Variants in PPIL6 observed in about 807,000 individuals in gnomAD.
The protein encoded by PPIL6 is peptidylprolyl isomerase like 6, also known as probable inactive peptidyl-prolyl cis-trans isomerase-like 6.
PPIL6 carries 39 observed loss-of-function variants against 36.8 expected under a neutral mutation model. The observed-to-expected ratio is 1.06, with a 90% confidence interval of 0.82 to 1.38. The LOEUF is 1.38. Ranked by LOEUF, PPIL6 falls within the 40% of genes most tolerant of loss-of-function variation. The pLI is 0.00. For missense variants in PPIL6, 368 were observed against 379.1 expected (o/e 0.97, Z 0.24); for synonymous variants, 123 against 134.1 (o/e 0.92, Z 0.57).
At chr6:109,437,988 A>AC (rs1188526319) in intron 1 of PPIL6, among the ~76,000 whole-genome samples, 1 of 152,168 alleles carries the variant, frequency 6.6e-6, no homozygotes, top group Non-Finnish European at 1.5e-5. Context: ...TCCAAATGAA[A>AC]ATGTATGCAA....
At chr6:109,393,687 G>T (rs1159207438) in intron 7 of PPIL6, among the ~76,000 whole-genome samples, 1 of 152,140 alleles carries the variant, frequency 6.6e-6, no homozygotes, top group Admixed American at 6.5e-5. Flanking sequence ...CGGGCCACAT[G>T]CTTCCTGTTG....
chr6:109,417,434 C>G (rs958637227), intron 6 of PPIL6, among the ~76,000 whole-genome samples: 1 of 151,012 alleles, frequency 6.6e-6, no homozygotes, highest in Non-Finnish European at 1.5e-5. Flanking sequence ...TAAGTGGACT[C>G]GTACATTTCA....
intron 7 of PPIL6, among the ~76,000 whole-genome samples, chr6:109,395,609 T>C (rs1260344742): frequency 7.0e-6 from 1 of 142,100 alleles, no homozygotes; most frequent in Non-Finnish European, 1.5e-5. Context: ...TCTAACTTCT[T>C]TTTTTTTTTT....
chr6:109,400,372 G>T (rs1772479104), intron 6 of PPIL6, among the ~76,000 whole-genome samples: 1 of 152,012 alleles, frequency 6.6e-6, no homozygotes, highest in African/African-American at 2.4e-5. Flanking sequence ...AACCTTATTA[G>T]AACTATTGGA....
At chr6:109,433,373 TA>T (rs1421746906) in intron 2 of PPIL6, among the ~76,000 whole-genome samples, 2 of 152,204 alleles carry the variant, frequency 1.3e-5, no homozygotes, top group Non-Finnish European at 1.5e-5. Context: ...CAGAACTTTC[TA>T]AACGGGAGAA....
intron 6 of PPIL6, among the ~76,000 whole-genome samples, chr6:109,417,434 C>T (rs958637227): frequency 2.6e-5 from 4 of 151,012 alleles, no homozygotes; most frequent in African/African-American, 7.3e-5. Context: ...TAAGTGGACT[C>T]GTACATTTCA....
chr6:109,392,559 C>T lies in PPIL6; in HGVS notation c.*267G>A, dbSNP rs1772132814. On this transcript the variant is annotated 3_prime_UTR_variant, in exon 8 of 8. Transcript: ENST00000521072. ...GAAGGGGAAGGGGCAGGACCACTGGCGTTCTATTCCTGTCCCACTGGCCAG... is the reference window on the plus strand; with the variant it reads ...GAAGGGGAAGGGGCAGGACCACTGGTGTTCTATTCCTGTCCCACTGGCCAG... 2 of 335,946 alleles carry T rather than the reference C, an allele frequency of 6.0e-6. No individual in the cohort carries two copies. Among genetic ancestry groups the T allele is most frequent in the Non-Finnish European group, 1.1e-5 (2 of 186,078 alleles). 20.8% of individuals were successfully genotyped at this position (335,946 alleles called of 1,614,324 possible).
intron 5 of PPIL6, among the ~76,000 whole-genome samples, chr6:109,424,782 C>T (rs116916745): frequency 2.6e-5 from 4 of 152,274 alleles, no homozygotes; most frequent in African/African-American, 4.8e-5. Context: ...CTCCCATTAG[C>T]GCCATGACAG....
intron 3 of PPIL6, among the ~76,000 whole-genome samples, chr6:109,427,378 G>GTATT (rs891539188): frequency 2.6e-5 from 4 of 151,680 alleles, no homozygotes; most frequent in Admixed American, 6.6e-5. Context: ...TTTTATTATT[G>GTATT]TATTTATTTA....
chr6:109,429,603 T>A (rs558735667), intron 3 of PPIL6, among the ~76,000 whole-genome samples: 187 of 152,280 alleles, frequency 1.2e-3, no homozygotes, highest in Non-Finnish European at 2.3e-3. Context: ...GCCAGCTAGG[T>A]GCTCCTGCCT....
intron 6 of PPIL6, among the ~76,000 whole-genome samples, chr6:109,400,985 G>A (rs1425433165): frequency 3.3e-5 from 5 of 150,382 alleles, no homozygotes; most frequent in Non-Finnish European, 7.4e-5. Flanking sequence ...TCAGCCTCCC[G>A]AGTAGCTGGG....
chr6:109,440,931 A>C, upstream of PPIL6: 1 of 594,330 alleles, frequency 1.7e-6, no homozygotes, highest in Non-Finnish European at 2.9e-6. Context: ...CTGATTGGGA[A>C]CAGCCGGCCG....
chr6:109,419,210 G>T lies in PPIL6; in HGVS notation c.665C>A (p.Ser222Ter), dbSNP rs528544666. The change falls in exon 6 of 8, where the codon TCG becomes TAG. Residue 222 changes from serine (S) to a stop codon, truncating the protein, a stop_gained. Coordinates refer to ENST00000521072, the MANE Select transcript of PPIL6 (RefSeq NM_173672.5). LOFTEE classifies it high-confidence loss of function. The stretch of plus-strand genomic sequence containing the variant: ...ACCTTCAAATGTTGGACCATAAATC[G>T]ACTCTCCATTATCTCCTTTTCCATA... ...IVYGKGDNGE[S>*]IYGPTFEDEN... 1.3e-6 allele frequency: 2 copies of T among 1,565,220 alleles called. No individual in the cohort carries two copies. Among genetic ancestry groups the T allele is most frequent in the South Asian group, 1.1e-5 (1 of 89,880 alleles).
intron 7 of PPIL6, among the ~76,000 whole-genome samples, chr6:109,393,479 G>T (rs1318952915): frequency 6.6e-6 from 1 of 152,086 alleles, no homozygotes; most frequent in Non-Finnish European, 1.5e-5. Flanking sequence ...TCCCATTTTG[G>T]CCTCCCAAAG....
At chr6:109,430,529 T>C (rs1582591231) in intron 3 of PPIL6, among the ~76,000 whole-genome samples, 1 of 151,782 alleles carries the variant, frequency 6.6e-6, no homozygotes, top group African/African-American at 2.4e-5. Flanking sequence ...CAGGTTTAAG[T>C]GATTCTCCTG....
intron 7 of PPIL6, among the ~76,000 whole-genome samples, chr6:109,398,731 A>G (rs1056579225): frequency 7.2e-5 from 11 of 152,210 alleles, no homozygotes; most frequent in Non-Finnish European, 1.3e-4. Context: ...GTTTTCATCT[A>G]CCTCTTCATG....
intron 5 of PPIL6, among the ~76,000 whole-genome samples, chr6:109,424,114 G>A (rs1773690895): frequency 2.0e-5 from 3 of 152,164 alleles, no homozygotes; most frequent in Admixed American, 6.5e-5. Flanking sequence ...GGCAGGAGGG[G>A]TGAGCGGTGT....
In PPIL6 at chr6:109,440,465, G is replaced by A; in HGVS notation, c.126C>T (p.Ser42=). 6.5e-7 allele frequency: 1 copy of A among 1,539,776 alleles called. No homozygotes were observed. Residue 42 remains serine, a synonymous_variant, in exon 1 of 8, where the codon AGC becomes AGT. Transcript: ENST00000521072. ...GTTTCTCTGTGGTTACCTCAGCGGC[G>A]CTCTTCGCAATCTGAAAGTTGGGGC... ...FSCPNFQIAK[S]AAENLKNNHP...
intron 2 of PPIL6, 24 bp downstream of exon 2, chr6:109,436,080 C>T (rs1158897234): frequency 7.9e-7 from 1 of 1,272,450 alleles, no homozygotes; most frequent in Non-Finnish European, 1.1e-6. Flanking sequence ...TGTCTATATC[C>T]CCCACACCCC....
Sources: allele counts gnomAD v4.1 joint callset (sites outside exome capture counted in the v4.1 genomes callset), GRCh38; gene constraint gnomAD v4.1.1; transcripts MANE v1.5; gene names NCBI Gene and HGNC (gene_info 2026-07-23, HGNC 2026-07-21).